RB1: variants seen among roughly 807,000 people sequenced by gnomAD.
The protein encoded by RB1 is RB transcriptional corepressor 1.
RB1 carries 18 observed loss-of-function variants against 135.4 expected under a neutral mutation model. The observed-to-expected ratio is 0.13, with a 90% confidence interval of 0.09 to 0.20. The LOEUF is 0.20. RB1 is among the 10% of genes least tolerant of loss of function. RB1 has a pLI of 1.00. For missense variants in RB1, 868 were observed against 1,110.0 expected (o/e 0.78, Z 3.10); for synonymous variants, 365 against 373.2 (o/e 0.98, Z 0.25).
In RB1 at chr13:48,480,115, A is replaced by G. The variant is rs1448162804; in HGVS notation, c.*44A>G. 2 of 1,489,146 alleles carry G rather than the reference A, an allele frequency of 1.3e-6. No individual in the cohort carries two copies. Among genetic ancestry groups the G allele is most frequent in the Non-Finnish European group, 1.9e-6 (2 of 1,069,228 alleles). 92.2% of individuals were successfully genotyped at this position (1,489,146 alleles called of 1,614,324 possible). A position where few individuals can be genotyped will look rare whatever the true frequency, so the allele number is the denominator to read the frequency against. On this transcript the variant is annotated 3_prime_UTR_variant, in exon 27 of 27. Transcript: ENST00000267163. The stretch of plus-strand genomic sequence containing the variant: ...GGACACTGTGTACACCTCTGGATTC[A>G]TTGTCTCTCACAGATGTGACTGTAT...
intron 17 of RB1, among the ~76,000 whole-genome samples, chr13:48,395,441 G>A (rs1480242288): frequency 6.6e-6 from 1 of 152,038 alleles, no homozygotes; most frequent in African/African-American, 2.4e-5. Flanking sequence ...CGAGCTAAAG[G>A]ACCATGTTCT....
intron 2 of RB1, among the ~76,000 whole-genome samples, chr13:48,334,889 A>G (rs1478550126): frequency 1.3e-5 from 2 of 151,082 alleles, no homozygotes; most frequent in African/African-American, 4.9e-5. Context: ...ACTGTAATGT[A>G]TGTGATTAAA....
intron 17 of RB1, among the ~76,000 whole-genome samples, chr13:48,395,048 G>A (rs1236578833): frequency 6.6e-6 from 1 of 151,450 alleles, no homozygotes; most frequent in East Asian, 2.0e-4. Flanking sequence ...TCCAGAGGAA[G>A]GAACAGGCAG....
chr13:48,347,591 T>G (rs1593437139), intron 4 of RB1, among the ~76,000 whole-genome samples: 1 of 152,104 alleles, frequency 6.6e-6, no homozygotes, highest in Admixed American at 6.6e-5. Flanking sequence ...TTTTCTATCT[T>G]ATTTATACCT....
chr13:48,461,059 A>G (rs904449294), intron 20 of RB1, among the ~76,000 whole-genome samples: 13 of 152,166 alleles, frequency 8.5e-5, no homozygotes, highest in Non-Finnish European at 2.9e-5. Flanking sequence ...TAAAATGTAC[A>G]ATTCAGTGGT....
chr13:48,465,172 A>C, intron 22 of RB1, 33 bp from the exon 23 acceptor site: 1 of 1,613,432 alleles, frequency 6.2e-7, no homozygotes, highest in Non-Finnish European at 8.5e-7. Context: ...CAAAACATTA[A>C]ATAAATAATC....
intron 19 of RB1, among the ~76,000 whole-genome samples, chr13:48,458,751 T>A (rs893390565): frequency 6.6e-6 from 1 of 152,264 alleles, no homozygotes; most frequent in Non-Finnish European, 1.5e-5. Context: ...GGTCTTTATA[T>A]GATATTTAAA....
intron 2 of RB1, among the ~76,000 whole-genome samples, chr13:48,339,581 C>G (rs1952423456): frequency 6.6e-6 from 1 of 152,190 alleles, no homozygotes; most frequent in Non-Finnish European, 1.5e-5. Flanking sequence ...CACAGCTTCC[C>G]TTGGCTAGGA....
At chr13:48,435,589 A>ACTTTTTCCTT (rs1470210061) in intron 17 of RB1, among the ~76,000 whole-genome samples, 2 of 152,114 alleles carry the variant, frequency 1.3e-5, no homozygotes, top group African/African-American at 4.8e-5. Context: ...CCAGTTTATC[A>ACTTTTTCCTT]CTTTTTCCTT....
intron 2 of RB1, among the ~76,000 whole-genome samples, chr13:48,308,368 A>AT (rs1952103679): frequency 6.8e-6 from 1 of 146,218 alleles, no homozygotes; most frequent in African/African-American, 2.4e-5. Flanking sequence ...ATAAATAAAA[A>AT]TAAGGCTGGG....
At chr13:48,373,268 T>A (rs1186602232) in intron 11 of RB1, 137 bp from the exon 12 acceptor site, 1 of 637,968 alleles carries the variant, frequency 1.6e-6, no homozygotes, top group Non-Finnish European at 2.8e-6. Flanking sequence ...ACCACAGTCT[T>A]ATTTGAGGGA....
At position 48,319,307 on chromosome 13, in the gene RB1, G is replaced by T; in HGVS notation, c.264+11901G>T. On this transcript the variant is annotated intron_variant, in intron 2 of 26. Coordinates refer to ENST00000267163, the MANE Select transcript of RB1 (RefSeq NM_000321.3). The surrounding 1 kb of genome is among the most constrained non-coding windows in gnomAD (Gnocchi z 5.0). ...GGGTCAGGCGTCCTCTCTCCTCCCG[G>T]CGCTGGGCCCTCTGGGGCAGGTCCC... 1 of 641,030 alleles carries T rather than the reference G, an allele frequency of 1.6e-6. No homozygotes were observed. The highest frequency in any genetic ancestry group is 2.6e-6 in the Non-Finnish European group (1 of 387,746). The allele number at this position is 641,030 out of a possible 1,614,324, so 39.7% of individuals were successfully genotyped here.
chr13:48,355,807 A>G (rs1379753925), intron 6 of RB1, among the ~76,000 whole-genome samples: 1 of 152,074 alleles, frequency 6.6e-6, no homozygotes, highest in Non-Finnish European at 1.5e-5. Context: ...GTTAAATGAA[A>G]TAAGCCAGGT....
chr13:48,450,979 T>G (rs1224484091), intron 17 of RB1, among the ~76,000 whole-genome samples: 1 of 152,222 alleles, frequency 6.6e-6, no homozygotes, highest in Non-Finnish European at 1.5e-5. Context: ...GCTCTTTGCT[T>G]GCTTATTGTT....
chr13:48,452,977 A>G lies in RB1; in HGVS notation c.1696-16A>G. On this transcript the variant is annotated splice_polypyrimidine_tract_variant and intron_variant, in intron 17 of 26. Coordinates refer to ENST00000267163, the MANE Select transcript of RB1 (RefSeq NM_000321.3). Reference sequence around the variant, plus strand: ...TGCTTACTAATGTGGTTTTAATTTCATCATGTTTCATATAGGATTCACCTT... The same window carrying G: ...TGCTTACTAATGTGGTTTTAATTTCGTCATGTTTCATATAGGATTCACCTT... 2 of 1,611,432 alleles carry G rather than the reference A, an allele frequency of 1.2e-6. No homozygotes were observed. The highest frequency in any genetic ancestry group is 1.7e-6 in the Non-Finnish European group (2 of 1,179,314).
chr13:48,304,090 G>T, intron 1 of RB1, 41 bp downstream of exon 1: 3 of 1,378,940 alleles, frequency 2.2e-6, no homozygotes, highest in Non-Finnish European at 2.8e-6. Flanking sequence ...CGGGAAGGGC[G>T]CCCCGGGTGT....
At chr13:48,334,251 C>A (rs995705586) in intron 2 of RB1, among the ~76,000 whole-genome samples, 1 of 152,218 alleles carries the variant, frequency 6.6e-6, no homozygotes, top group African/African-American at 2.4e-5. Context: ...TTACATTCCT[C>A]TTCTTGGCTT....
chr13:48,416,537 T>G (rs913987897), intron 17 of RB1: 1 of 152,394 alleles, frequency 6.6e-6, no homozygotes, highest in Non-Finnish European at 1.5e-5. Context: ...AGCTGCAGGA[T>G]TTTTTCTTTT....
At chr13:48,318,580 C>T (rs1952206144) in intron 2 of RB1, 1 of 646,648 alleles carries the variant, frequency 1.5e-6, no homozygotes. Flanking sequence ...ACGGGCAGGT[C>T]CCGCCCCTCA....
Sources: gnomAD v4.1 joint callset for allele counts (sites outside exome capture counted in the v4.1 genomes callset) on GRCh38, gnomAD v4.1.1 for gene constraint, Gnocchi (gnomAD v3.1) non-coding constraint, MANE v1.5 for transcripts, NCBI Gene and HGNC (gene_info 2026-07-23, HGNC 2026-07-21) for gene names.